The following TMSB4X variants were observed in gnomAD, a reference collection of about 807,000 sequenced individuals.
TMSB4X encodes thymosin beta 4 X-linked.
A neutral mutation model predicts 3.6 loss-of-function variants in TMSB4X; 1 was observed. That is an observed-to-expected ratio of 0.28 (90% CI 0.10 to 1.32). The LOEUF (loss-of-function observed/expected upper bound fraction) is 1.32. Ranked by LOEUF, TMSB4X falls within the 40% of genes most tolerant of loss-of-function variation. TMSB4X has a pLI of 0.45. For missense variants in TMSB4X, 6 were observed against 32.7 expected (o/e 0.18, Z 1.99); for synonymous variants, 12 against 14.3 (o/e 0.84, Z 0.36).
intron 1 of TMSB4X, chrX:12,975,793 G>C (rs1404562428): frequency 1.7e-5 from 2 of 114,447 alleles, no homozygotes; most frequent in African/African-American, 6.4e-5. Context: ...CTAGAAAGCC[G>C]GATCCGGCCC....
chrX:12,976,763 T>C lies in TMSB4X; in HGVS notation c.101-14T>C. 1 of 1,191,575 alleles carries C rather than the reference T, an allele frequency of 8.4e-7. No individual in the cohort carries two copies. Among genetic ancestry groups the C allele is most frequent in the Non-Finnish European group, 1.1e-6 (1 of 889,592 alleles). ...CTCCCTCCATCTTTTTTTTTTTTTT[T>C]TTTCTGGTCACAGCGATTGAACAGG... On this transcript the variant is annotated splice_polypyrimidine_tract_variant and intron_variant, in intron 2 of 2. Coordinates refer to ENST00000451311, the MANE Select transcript of TMSB4X (RefSeq NM_021109.4).
chrX:12,975,402 C>T (rs2043289430), intron 1 of TMSB4X: 1 of 113,581 alleles, frequency 8.8e-6, no homozygotes, highest in East Asian at 2.8e-4. Flanking sequence ...CCGTGCCGCT[C>T]GGAGGGGACA....
intron 2 of TMSB4X, 49 bp downstream of exon 2, chrX:12,976,410 C>T: frequency 1.4e-6 from 1 of 714,367 alleles, no homozygotes; most frequent in South Asian, 2.4e-5. Context: ...TGGGAGCGGC[C>T]GGTGGGAGGG....
In TMSB4X at chrX:12,977,036, T is replaced by C; in HGVS notation, c.*225T>C. On this transcript the variant is annotated 3_prime_UTR_variant, in exon 3 of 3. Coordinates refer to ENST00000451311, the MANE Select transcript of TMSB4X (RefSeq NM_021109.4). ...GGGAAGGAAAGAACTTGCATGTTGG[T>C]GAAGGAAGAAGTGGGGTGGAAGAAG... is the stretch of plus-strand genomic sequence containing the variant. The C allele has an allele frequency of 9.1e-6, 4 of 439,323 alleles. No homozygotes were observed. Among genetic ancestry groups the C allele is most frequent in the Non-Finnish European group, 1.6e-5 (4 of 256,107 alleles). 36.2% of individuals were successfully genotyped at this position (439,323 alleles called of 1,213,427 possible). A position where few individuals can be genotyped will look rare whatever the true frequency, so the allele number is the denominator to read the frequency against.
At chrX:12,976,141 GTTT>G in intron 1 of TMSB4X, 102 bp from the exon 2 acceptor site, 2 of 582,246 alleles carry the variant, frequency 3.4e-6, no homozygotes, top group Non-Finnish European at 5.8e-6. Flanking sequence ...AGCGAGAAGG[GTTT>G]TTTTCAGGCT....
chrX:12,976,197 C>T (rs1402473916), intron 1 of TMSB4X, 49 bp from the exon 2 acceptor site: 28 of 976,827 alleles, frequency 2.9e-5, no homozygotes, highest in Non-Finnish European at 3.8e-5. Flanking sequence ...CCAGAGACAG[C>T]GGGGCGGGTG....
Position 12,976,993 on chromosome X carries a change from C to T in TMSB4X, c.*182C>T. The T allele has an allele frequency of 1.8e-6, 1 of 545,252 alleles. No homozygotes were observed. The highest frequency in any genetic ancestry group is 3.6e-5 in the Admixed American group (1 of 27,550). The allele number at this position is 545,252 out of a possible 1,213,427, so 44.9% of individuals were successfully genotyped here. A position where few individuals can be genotyped will look rare whatever the true frequency, so the allele number is the denominator to read the frequency against. On this transcript the variant is annotated 3_prime_UTR_variant, in exon 3 of 3. Transcript: ENST00000451311. ...GGCCGCGCCTGCCTTTCCCATCTGTCTATCTATCTGGCTGGCAGGGAAGGA... is the reference window on the plus strand; with the variant it reads ...GGCCGCGCCTGCCTTTCCCATCTGTTTATCTATCTGGCTGGCAGGGAAGGA...
rs1269007988 is a variant in TMSB4X at position 12,976,306 on chromosome X, G to C, written c.45G>C (p.Lys15Asn). The C allele has an allele frequency of 8.3e-7, 1 of 1,209,136 alleles. No homozygotes were observed. The highest frequency in any genetic ancestry group is 1.1e-6 in the Non-Finnish European group (1 of 894,832). The change falls in exon 2 of 3, where the codon AAG (lysine) becomes AAC (asparagine). Residue 15 changes from lysine (K) to asparagine (N), a missense_variant. Physicochemically the swap from Lys to Asn is moderately conservative, Grantham distance 94. Transcript: ENST00000451311. ...TGGCTGAGATCGAGAAATTCGATAA[G>C]TCGAAACTGAAGAAGACAGAGACGC... ...PDMAEIEKFD[K>N]SKLKKTETQE...
At chrX:12,975,536 C>T (rs2043290524) in intron 1 of TMSB4X, 2 of 113,404 alleles carry the variant, frequency 1.8e-5, no homozygotes, top group Middle Eastern at 4.6e-3. Context: ...CTCCTCCCAG[C>T]CTCGGACGGC....
intron 1 of TMSB4X, 54 bp from the exon 2 acceptor site, chrX:12,976,192 G>C (rs2043295210): frequency 1.0e-6 from 1 of 955,707 alleles, no homozygotes; most frequent in East Asian, 3.1e-5. Context: ...CCAGCCCAGA[G>C]ACAGCGGGGC....
intron 1 of TMSB4X, chrX:12,975,499 C>A (rs753214284): frequency 8.8e-6 from 1 of 113,139 alleles, no homozygotes; most frequent in Non-Finnish European, 1.9e-5. Context: ...GTCCTTTGTT[C>A]TGAGGTTCAT....
rs1187645602 is a variant in TMSB4X, at chrX:12,977,030, T to C, written c.*219T>C. On this transcript the variant is annotated 3_prime_UTR_variant, in exon 3 of 3. Transcript: ENST00000451311. ...CTGGCAGGGAAGGAAAGAACTTGCA[T>C]GTTGGTGAAGGAAGAAGTGGGGTGG... The C allele has an allele frequency of 4.5e-6, 2 of 448,858 alleles. No individual in the cohort carries two copies. The highest frequency in any genetic ancestry group is 7.6e-6 in the Non-Finnish European group (2 of 262,711). 37.0% of individuals were successfully genotyped at this position (448,858 alleles called of 1,213,427 possible).
chrX:12,976,527 C>A (rs1334450134), intron 2 of TMSB4X, among the ~76,000 whole-genome samples, 166 bp downstream of exon 2: 2 of 111,436 alleles, frequency 1.8e-5, no homozygotes, highest in Non-Finnish European at 3.8e-5. Flanking sequence ...AATGGTTTTG[C>A]AGCCAACAAA....
At chrX:12,976,753 T>TA (rs1465783593) in intron 2 of TMSB4X, 24 bp from the exon 3 acceptor site, 1 of 1,148,395 alleles carries the variant, frequency 8.7e-7, no homozygotes, top group Admixed American at 2.7e-5. Flanking sequence ...TCCATCTTTT[T>TA]TTTTTTTTTT....
At chrX:12,976,693 G>A (rs2043298137) in intron 2 of TMSB4X, 84 bp from the exon 3 acceptor site, 2 of 1,051,079 alleles carry the variant, frequency 1.9e-6, no homozygotes, top group Non-Finnish European at 2.6e-6. Flanking sequence ...TTGAAAAGAT[G>A]CTTTAAATGA....
In TMSB4X at chrX:12,976,766, T is replaced by TC; in HGVS notation, c.101-10dup. 4 of 1,170,530 alleles carry TC rather than the reference T, an allele frequency of 3.4e-6. No homozygotes were observed. Among genetic ancestry groups the TC allele is most frequent in the Non-Finnish European group, 4.5e-6 (4 of 881,719 alleles). ...CCTCCATCTTTTTTTTTTTTTTTTT[T>TC]CTGGTCACAGCGATTGAACAGGAGA... On this transcript the variant is annotated splice_polypyrimidine_tract_variant and intron_variant, in intron 2 of 2. Coordinates refer to ENST00000451311, the MANE Select transcript of TMSB4X (RefSeq NM_021109.4).
At chrX:12,976,185 G>A in intron 1 of TMSB4X, 61 bp from the exon 2 acceptor site, 5 of 911,231 alleles carry the variant, frequency 5.5e-6, no homozygotes, top group Non-Finnish European at 8.0e-6. Flanking sequence ...GCAGTTCCCA[G>A]CCCAGAGACA....
At position 12,976,387 on chromosome X, in the gene TMSB4X, T is replaced by C. The variant is rs370939751; in HGVS notation, c.100+26T>C. On this transcript the variant is annotated intron_variant, in intron 2 of 2. Coordinates refer to ENST00000451311, the MANE Select transcript of TMSB4X (RefSeq NM_021109.4). The stretch of plus-strand genomic sequence containing the variant: ...GTGAGCTCCGACCCACCCCCATCTT[T>C]AGAAAGGCTGGGTGGGAGCGGCCGG... The C allele has an allele frequency of 3.5e-5, 41 of 1,169,274 alleles. No individual in the cohort carries two copies. In the African/African-American group the frequency reaches 7.1e-4, roughly 20 times the overall value.
chrX:12,976,472 G>A, intron 2 of TMSB4X, 111 bp downstream of exon 2: 2 of 676,383 alleles, frequency 3.0e-6, no homozygotes, highest in Non-Finnish European at 4.6e-6. Context: ...GAGTGCGGGG[G>A]AAGAGCCGAC....
Sources: gnomAD v4.1 joint callset for allele counts (sites outside exome capture counted in the v4.1 genomes callset) on GRCh38, gnomAD v4.1.1 for gene constraint, MANE v1.5 for transcripts, NCBI Gene and HGNC (gene_info 2026-07-23, HGNC 2026-07-21) for gene names.